RGL2: variants seen among roughly 807,000 people sequenced by gnomAD.
RGL2 encodes ral guanine nucleotide dissociation stimulator like 2.
In RGL2, 40 loss-of-function variants were observed where a neutral mutation model predicts 84.6. The observed-to-expected ratio is 0.47, with a 90% CI of 0.37 to 0.62. The LOEUF (loss-of-function observed/expected upper bound fraction) is 0.62, where lower values mean the gene tolerates loss of function less well. RGL2 is among the 20% of genes least tolerant of loss of function. RGL2 has a pLI of 0.00. For missense variants in RGL2, 865 were observed against 1,019.7 expected (o/e 0.85, Z 2.07); for synonymous variants, 369 against 417.3 (o/e 0.88, Z 1.41).
At position 33,294,074 on chromosome 6, in the gene RGL2, G is replaced by A. The variant is rs1349032322; in HGVS notation, c.1354-8C>T. 15 of 1,609,102 alleles carry A rather than the reference G, an allele frequency of 9.3e-6. No homozygotes were observed. Among genetic ancestry groups the A allele is most frequent in the Non-Finnish European group, 1.3e-5 (15 of 1,176,408 alleles). On this transcript the variant is annotated splice_polypyrimidine_tract_variant and splice_region_variant and intron_variant, in intron 11 of 17. Transcript: ENST00000497454. This position sits in a 1 kb window ranked among gnomAD's most constrained non-coding sequence, Gnocchi z 5.0. ...AAAATTGATGTATCCATTCTGCGAG[G>A]AAAATGGGGATGGGGTGAAAGTTCC...
chr6:33,298,513 C>A lies in RGL2; in HGVS notation c.98G>T (p.Gly33Val). ...CCCGCCCACGACCAGGCCACCTGGG[C>A]CCCCACCCTCTTCGGGGTCCCGGCT... The part of the protein sequence containing the change: ...FRSRDPEEGG[G>V]PGGLVVGGGQ... Residue 33 changes from glycine (G) to valine (V), a missense_variant, in exon 2 of 18, where the codon GGC becomes GTC. Gly to Val is a moderately radical substitution (Grantham distance 109). Coordinates refer to ENST00000497454, the MANE Select transcript of RGL2 (RefSeq NM_004761.5). The surrounding 1 kb of genome is among the most constrained non-coding windows in gnomAD (Gnocchi z 4.8). The A allele has an allele frequency of 6.6e-7, 1 of 1,516,824 alleles. No individual in the cohort carries two copies. The highest frequency in any genetic ancestry group is 8.8e-7 in the Non-Finnish European group (1 of 1,131,350). The allele number at this position is 1,516,824 out of a possible 1,614,324, so 94.0% of individuals were successfully genotyped here. A position where few individuals can be genotyped will look rare whatever the true frequency, so the allele number is the denominator to read the frequency against.
chr6:33,292,921 CA>C, intron 16 of RGL2, 94 bp downstream of exon 16: 1 of 1,439,848 alleles, frequency 6.9e-7, no homozygotes, highest in South Asian at 1.2e-5. Context: ...ATTAAAACTA[CA>C]TTCAATTCCA....
chr6:33,295,343 C>T lies in RGL2; in HGVS notation c.1100G>A (p.Arg367Gln), dbSNP rs1450493931. The T allele has an allele frequency of 4.4e-6, 7 of 1,590,132 alleles. No homozygotes were observed. In the African/African-American group the frequency reaches 5.4e-5, roughly 12 times the overall value. Residue 367 changes from arginine to glutamine, a missense_variant, in exon 8 of 18, where the codon CGG becomes CAG. Arg to Gln is a conservative substitution (Grantham distance 43). Coordinates refer to ENST00000497454, the MANE Select transcript of RGL2 (RefSeq NM_004761.5). The surrounding 1 kb of genome is among the most constrained non-coding windows in gnomAD (Gnocchi z 7.2). Reference protein sequence around the residue: ...ALQSSPIHRLRAAWGEATRDS... With the variant: ...ALQSSPIHRLQAAWGEATRDS... ...CCTGGTTGCTTCCCCCCAGGCTGCCCGAAGCCTGTGGATGGGGCTGGACTG... is the reference window on the plus strand; with the variant it reads ...CCTGGTTGCTTCCCCCCAGGCTGCCTGAAGCCTGTGGATGGGGCTGGACTG...
chr6:33,296,628 G>A lies in RGL2; in HGVS notation c.389C>T (p.Thr130Met), dbSNP rs778691033. The A allele has an allele frequency of 6.8e-6, 11 of 1,613,886 alleles. No homozygotes were observed. The highest frequency in any genetic ancestry group is 1.1e-5 in the South Asian group (1 of 91,072). The change falls in exon 4 of 18, where the codon ACG becomes ATG. Residue 130 changes from threonine to methionine, a missense_variant. Around this residue, in one of 5 missense-constraint regions of RGL2, gnomAD observed 455 missense variants for 507.8 expected, o/e 0.90. Transcript: ENST00000497454. This position sits in a 1 kb window ranked among gnomAD's most constrained non-coding sequence, Gnocchi z 5.0. ...AGCCATAAGCCCTAGCAAGGCAGGC[G>A]TGGAGGTGAAGGCCCGGTGGGTAGC... ...FLATHRAFTS[T>M]PALLGLMADR... is the part of the protein sequence containing the mutation.
At position 33,293,255 on chromosome 6, in the gene RGL2, G is replaced by T. The variant is rs1192402617; in HGVS notation, c.1768C>A (p.Pro590Thr). The T allele has an allele frequency of 1.9e-5, 30 of 1,548,680 alleles. No individual in the cohort carries two copies. Among genetic ancestry groups the T allele is most frequent in the Non-Finnish European group, 2.6e-5 (30 of 1,149,078 alleles). Residue 590 changes from proline (P) to threonine (T), a missense_variant, in exon 16 of 18, where the codon CCA becomes ACA. Pro to Thr is a conservative substitution (Grantham distance 38). Around this residue, in one of 5 missense-constraint regions of RGL2, gnomAD observed 302 missense variants for 327.9 expected, o/e 0.92. Transcript: ENST00000497454. This position sits in a 1 kb window ranked among gnomAD's most constrained non-coding sequence, Gnocchi z 7.0. ...GGGTCAGCTGGACTGTGCAGGGATG[G>T]ACTGCTTTCCAAGGCAGAGTCTAGT... ...SSLDSALESS[P>T]SLHSPADPSH...
At position 33,292,266 on chromosome 6, in the gene RGL2, C is replaced by G; in HGVS notation, c.2170G>C (p.Ala724Pro). 1 of 1,614,220 alleles carries G rather than the reference C, an allele frequency of 6.2e-7. No homozygotes were observed. Among genetic ancestry groups the G allele is most frequent in the Non-Finnish European group, 8.5e-7 (1 of 1,180,044 alleles). ...TGCCGCAGGAGGAAATCGTGTGAAG[C>G]TCCATCCATGGCGTAGAATACATTA... ...SANVFYAMDG[A>P]SHDFLLRQRR... Residue 724 changes from alanine to proline, a missense_variant, in exon 18 of 18, where the codon GCT (alanine) becomes CCT (proline). Coordinates refer to ENST00000497454, the MANE Select transcript of RGL2 (RefSeq NM_004761.5).
Position 33,296,773 on chromosome 6 carries a change from G to C in RGL2, c.244C>G (p.Pro82Ala). ...CGGGAGGAACGTGGGGGAGGCATAG[G>C]GACCTGGAGAACACAGAGAGATGAT... ...RQYRPLDPLV[P>A]MPPPRSSRRL... Residue 82 changes from proline to alanine, a missense_variant, in exon 4 of 18, where the codon CCT becomes GCT. Pro to Ala is a conservative substitution (Grantham distance 27). Transcript: ENST00000497454. This position sits in a 1 kb window ranked among gnomAD's most constrained non-coding sequence, Gnocchi z 5.0. 4 of 1,613,974 alleles carry C rather than the reference G, an allele frequency of 2.5e-6. No individual in the cohort carries two copies. The highest frequency in any genetic ancestry group is 2.5e-6 in the Non-Finnish European group (3 of 1,180,018).
In RGL2 at chr6:33,298,496, C is replaced by T. The variant is rs1339337518; in HGVS notation, c.115G>A (p.Val39Met). 3 of 1,526,938 alleles carry T rather than the reference C, an allele frequency of 2.0e-6. No homozygotes were observed. In the African/African-American group the frequency reaches 4.2e-5, roughly 21 times the overall value. 94.6% of individuals were successfully genotyped at this position (1,526,938 alleles called of 1,614,324 possible). The change falls in exon 2 of 18, where the codon GTG (valine) becomes ATG (methionine). Residue 39 changes from valine (V) to methionine (M), a missense_variant. Val to Met is a conservative substitution (Grantham distance 21). Around this residue, in one of 5 missense-constraint regions of RGL2, gnomAD observed 455 missense variants for 507.8 expected, o/e 0.90. Transcript: ENST00000497454. The surrounding 1 kb of genome is among the most constrained non-coding windows in gnomAD (Gnocchi z 4.8). ...TCCTCTTCCTCCTGCCCCCCGCCCA[C>T]GACCAGGCCACCTGGGCCCCCACCC... The part of the protein sequence containing the change: ...EEGGGPGGLV[V>M]GGGQEEEEEE...
upstream of RGL2, chr6:33,300,507 A>G (rs903802986): frequency 6.7e-5 from 10 of 150,170 alleles, no homozygotes; most frequent in African/African-American, 2.5e-4. Context: ...TAAAAACACA[A>G]AAAGTTAGCC....
In RGL2 at chr6:33,293,111, C is replaced by G; in HGVS notation, c.1912G>C (p.Gly638Arg). 2.5e-6 allele frequency: 4 copies of G among 1,614,044 alleles called. No homozygotes were observed. Among genetic ancestry groups the G allele is most frequent in the Non-Finnish European group, 3.4e-6 (4 of 1,179,948 alleles). Residue 638 changes from glycine (G) to arginine (R), a missense_variant, in exon 16 of 18, where the codon GGG (glycine) becomes CGG (arginine). Gly to Arg is a moderately radical substitution (Grantham distance 125, BLOSUM62 -2). Transcript: ENST00000497454. This position sits in a 1 kb window ranked among gnomAD's most constrained non-coding sequence, Gnocchi z 7.0. ...AEEASGGTGY[G>R]GEGSGPGASD... is the part of the protein sequence containing the mutation. The stretch of plus-strand genomic sequence containing the variant: ...GCCCCTGGCCCAGATCCCTCTCCCC[C>G]ATATCCAGTCCCCCCGGAGGCCTCT...
Position 33,297,161 on chromosome 6 carries a change from C to A in RGL2, c.157-46G>T. 1 of 1,438,288 alleles carries A rather than the reference C, an allele frequency of 7.0e-7. No individual in the cohort carries two copies. Among genetic ancestry groups the A allele is most frequent in the East Asian group, 2.3e-5 (1 of 43,942 alleles). The allele number at this position is 1,438,288 out of a possible 1,614,324, so 89.1% of individuals were successfully genotyped here. On this transcript the variant is annotated intron_variant, in intron 2 of 17. Coordinates refer to ENST00000497454, the MANE Select transcript of RGL2 (RefSeq NM_004761.5). The surrounding 1 kb of genome is among the most constrained non-coding windows in gnomAD (Gnocchi z 4.0). ...AAGTCAGACAGTTCCACACCACCCC[C>A]CATTGCCCTCAGCCTTCACCCCAGG...
At chr6:33,292,567 G>A (rs1488505655) in intron 16 of RGL2, 23 bp from the exon 17 acceptor site, 64 of 1,575,028 alleles carry the variant, frequency 4.1e-5, no homozygotes, top group Non-Finnish European at 5.6e-5. Context: ...GAGACCAAAA[G>A]AGCAATCAAT....
chr6:33,296,078 G>C lies in RGL2; in HGVS notation c.718C>G (p.Leu240Val), dbSNP rs771043217. ...GCCAAGTGGTCAGCGAGGAACACCAGGACATCCGTGGGGTCAGCAGGGGGA... is the reference window on the plus strand; with the variant it reads ...GCCAAGTGGTCAGCGAGGAACACCACGACATCCGTGGGGTCAGCAGGGGGA... ...GDPPADPTDV[L>V]VFLADHLAEQ... The change falls in exon 6 of 18, where the codon CTG becomes GTG. Residue 240 changes from leucine (L) to valine (V), a missense_variant. Transcript: ENST00000497454. This position sits in a 1 kb window ranked among gnomAD's most constrained non-coding sequence, Gnocchi z 5.0. 6.2e-7 allele frequency: 1 copy of C among 1,614,088 alleles called. No homozygotes were observed.
At position 33,298,791 on chromosome 6, in the gene RGL2, G is replaced by A; in HGVS notation, c.-42+79C>T. The A allele has an allele frequency of 2.1e-6, 1 of 482,084 alleles. No individual in the cohort carries two copies. The highest frequency in any genetic ancestry group is 3.7e-6 in the Non-Finnish European group (1 of 273,962). 29.9% of individuals were successfully genotyped at this position (482,084 alleles called of 1,614,324 possible). On this transcript the variant is annotated intron_variant, in intron 1 of 17. Coordinates refer to ENST00000497454, the MANE Select transcript of RGL2 (RefSeq NM_004761.5). This position sits in a 1 kb window ranked among gnomAD's most constrained non-coding sequence, Gnocchi z 4.8. ...TTGGGGGAGGGGGCAACAGAAGGGT[G>A]GAATAGGGGGGCCCTTGGTGCTGTT...
intron 16 of RGL2, 125 bp from the exon 17 acceptor site, chr6:33,292,669 C>G: frequency 1.2e-6 from 1 of 828,764 alleles, no homozygotes; most frequent in East Asian, 2.5e-5. Context: ...ACAGGAAAAC[C>G]CAATATGGTG....
chr6:33,291,800 C>T lies in RGL2; in HGVS notation c.*302G>A, dbSNP rs1259951116. Reference sequence around the variant, plus strand: ...TCAGAGCCTTGAAGCCTTTGCTTGGCCCTTGCATGTTAGGATATGGCCAAG... The same window carrying T: ...TCAGAGCCTTGAAGCCTTTGCTTGGTCCTTGCATGTTAGGATATGGCCAAG... On this transcript the variant is annotated 3_prime_UTR_variant, in exon 18 of 18. Transcript: ENST00000497454. 5 of 555,126 alleles carry T rather than the reference C, an allele frequency of 9.0e-6. No homozygotes were observed. Among genetic ancestry groups the T allele is most frequent in the Non-Finnish European group, 1.6e-5 (5 of 312,760 alleles). The allele number at this position is 555,126 out of a possible 1,614,324, so 34.4% of individuals were successfully genotyped here.
rs768274444 is a variant in RGL2 at position 33,295,282 on chromosome 6, G to A, written c.1124+37C>T. On this transcript the variant is annotated intron_variant, in intron 8 of 17. Coordinates refer to ENST00000497454, the MANE Select transcript of RGL2 (RefSeq NM_004761.5). This position sits in a 1 kb window ranked among gnomAD's most constrained non-coding sequence, Gnocchi z 7.2. Reference sequence around the variant, plus strand: ...CACCCCCTCTTCCCCGCCTTCTGAGGAACCCCCACCCCAGTCCAATGCCTC... The same window carrying A: ...CACCCCCTCTTCCCCGCCTTCTGAGAAACCCCCACCCCAGTCCAATGCCTC... The A allele has an allele frequency of 1.9e-6, 3 of 1,560,534 alleles. No individual in the cohort carries two copies.
Position 33,293,198 on chromosome 6 carries a change from TA to T in RGL2, c.1824del (p.Arg609GlyfsTer16). ...PSHLSPPASS[P>X]RPSRGHRRSA... ...GAGCGGCGGTGACCTCGAGAAGGCC[TA>T]GGGGAGGAGGCTGGTGGGGAGAGGT... On this transcript the variant is annotated frameshift_variant, in exon 16 of 18. Coordinates refer to ENST00000497454, the MANE Select transcript of RGL2 (RefSeq NM_004761.5). LOFTEE classifies it high-confidence loss of function. The surrounding 1 kb of genome is among the most constrained non-coding windows in gnomAD (Gnocchi z 7.0). The T allele has an allele frequency of 6.3e-7, 1 of 1,583,510 alleles. No individual in the cohort carries two copies. Among genetic ancestry groups the T allele is most frequent in the Non-Finnish European group, 8.6e-7 (1 of 1,166,218 alleles).
In RGL2 at chr6:33,293,257, C is replaced by G. The variant is rs114812653; in HGVS notation, c.1766G>C (p.Ser589Thr). 1.0e-3 allele frequency: 1,570 copies of G among 1,547,910 alleles called. 20 individuals are homozygous for G. In the African/African-American group the frequency reaches 0.02, roughly 20 times the overall value. Residue 589 changes from serine to threonine, a missense_variant, in exon 16 of 18, where the codon AGT becomes ACT. Physicochemically the swap from Ser to Thr is moderately conservative, Grantham distance 58. Transcript: ENST00000497454. This position sits in a 1 kb window ranked among gnomAD's most constrained non-coding sequence, Gnocchi z 7.0. The stretch of plus-strand genomic sequence containing the variant: ...GTCAGCTGGACTGTGCAGGGATGGA[C>G]TGCTTTCCAAGGCAGAGTCTAGTGA... ...VSSLDSALESSPSLHSPADPS... is the reference protein window; with the variant it reads ...VSSLDSALESTPSLHSPADPS...
Sources: allele counts gnomAD v4.1 joint callset, GRCh38; gene constraint gnomAD v4.1.1; regional missense constraint gnomAD v4.1.1; non-coding constraint Gnocchi (gnomAD v3.1); transcripts MANE v1.5; gene names NCBI Gene and HGNC (gene_info 2026-07-23, HGNC 2026-07-21).